Variants in ADGRF1 observed in about 807,000 individuals in gnomAD.
ADGRF1 encodes the protein G protein-coupled receptor 110.
A neutral mutation model predicts 87.2 loss-of-function variants in ADGRF1; 85 were observed. That is an observed-to-expected ratio of 0.97 (90% confidence interval 0.82 to 1.17). The LOEUF is 1.17. Ranked by LOEUF, ADGRF1 falls within the 50% of genes most tolerant of loss-of-function variation. The probability of loss-of-function intolerance (pLI) is 0.00; values close to 1 mark genes in which losing one functional copy is unlikely to be tolerated. For synonymous variants in ADGRF1, 430 were observed against 408.8 expected (o/e 1.05, Z -0.63); for missense variants, 1,169 against 1,077.2 (o/e 1.09, Z -1.19).
intron 7 of ADGRF1, chr6:47,019,989 A>G: frequency 1.0e-6 from 1 of 988,064 alleles, no homozygotes; most frequent in Non-Finnish European, 1.2e-6. Context: ...CCAAAGCCCC[A>G]CTTCTGGCTC....
intron 13 of ADGRF1, among the ~76,000 whole-genome samples, chr6:47,004,369 C>A (rs1289262122): frequency 6.6e-6 from 1 of 152,156 alleles, no homozygotes; most frequent in Non-Finnish European, 1.5e-5. Context: ...ACCTAACCAG[C>A]AACAAAATCT....
intron 9 of ADGRF1, chr6:47,013,368 A>G: frequency 1.0e-6 from 1 of 984,814 alleles, no homozygotes; most frequent in Non-Finnish European, 1.2e-6. Context: ...TCCCCAGTTT[A>G]CAGATGAGGA....
At chr6:47,040,488 T>TAA (rs66819789) in intron 1 of ADGRF1, among the ~76,000 whole-genome samples, 8 of 149,886 alleles carry the variant, frequency 5.3e-5, no homozygotes, top group African/African-American at 2.0e-4. Flanking sequence ...TAAAATAAAA[T>TAA]AAAAAAAAAA....
Position 46,998,479 on chromosome 6 carries a change from G to A in ADGRF1, c.*1743C>T, listed in dbSNP as rs1329407724. The A allele has an allele frequency of 1.3e-5, 2 of 152,192 alleles. No homozygotes were observed. The highest frequency in any genetic ancestry group is 2.9e-5 in the Non-Finnish European group (2 of 68,088). The allele number at this position is 152,192 out of a possible 1,614,324, so 9.4% of individuals were successfully genotyped here. A position where few individuals can be genotyped will look rare whatever the true frequency, so the allele number is the denominator to read the frequency against. On this transcript the variant is annotated 3_prime_UTR_variant, in exon 15 of 15. Coordinates refer to ENST00000371253, the MANE Select transcript of ADGRF1 (RefSeq NM_153840.4). The stretch of plus-strand genomic sequence containing the variant: ...TTGCATGTCTCACTATGGTTCATGG[G>A]AAACACACACATCCATTGCCCTGAC...
intron 1 of ADGRF1, among the ~76,000 whole-genome samples, chr6:47,031,758 C>T (rs1192462195): frequency 6.6e-6 from 1 of 152,114 alleles, no homozygotes; most frequent in Non-Finnish European, 1.5e-5. Context: ...CATGTTCTTG[C>T]TCTGTCACCC....
intron 1 of ADGRF1, among the ~76,000 whole-genome samples, chr6:47,033,768 A>G (rs1402029492): frequency 6.6e-6 from 1 of 152,238 alleles, no homozygotes; most frequent in Non-Finnish European, 1.5e-5. Flanking sequence ...TATCTTTTCT[A>G]GGAAGTGTTG....
chr6:47,008,126 T>C (rs1779584084), intron 11 of ADGRF1, among the ~76,000 whole-genome samples: 1 of 152,168 alleles, frequency 6.6e-6, no homozygotes, highest in African/African-American at 2.4e-5. Flanking sequence ...GTGCTAGAGG[T>C]CACACAGTTT....
At chr6:47,016,533 T>C in intron 8 of ADGRF1, 84 bp downstream of exon 8, 3 of 1,380,798 alleles carry the variant, frequency 2.2e-6, no homozygotes, top group Non-Finnish European at 2.9e-6. Flanking sequence ...TTCAAACGTC[T>C]CAAATCTACT....
intron 6 of ADGRF1, among the ~76,000 whole-genome samples, chr6:47,021,052 G>A (rs116339097): frequency 3.9e-4 from 59 of 152,284 alleles, no homozygotes; most frequent in African/African-American, 1.3e-3. Flanking sequence ...ATAACCAACT[G>A]CTTAGAATAG....
chr6:47,039,867 C>G (rs1286309924), intron 1 of ADGRF1, among the ~76,000 whole-genome samples: 1 of 152,078 alleles, frequency 6.6e-6, no homozygotes, highest in African/African-American at 2.4e-5. Flanking sequence ...GAGGCTGAGA[C>G]AGGAGAATTG....
At chr6:47,006,907 G>C (rs188862778) in intron 12 of ADGRF1, among the ~76,000 whole-genome samples, 1 of 152,272 alleles carries the variant, frequency 6.6e-6, no homozygotes, top group Admixed American at 6.5e-5. Context: ...TAAATGGGTA[G>C]AATAATTGAA....
Position 47,014,785 on chromosome 6 carries a change from AG to A in ADGRF1, c.822del (p.Cys275AlafsTer33), listed in dbSNP as rs1343693433. On this transcript the variant is annotated frameshift_variant, in exon 9 of 15. Transcript: ENST00000371253. LOFTEE classifies it high-confidence loss of function. ...FGSKDDEYTLPCSSGYRGNIT... is the reference protein window; with the variant it reads ...FGSKDDEYTLXCSSGYRGNIT... The stretch of plus-strand genomic sequence containing the variant: ...ATGTTTCCCCTGTAGCCACTGCTGC[AG>A]GGCAGGGTATATTCATCATCCTTGG... 1.7e-5 allele frequency: 28 copies of A among 1,614,094 alleles called. No individual in the cohort carries two copies. The highest frequency in any genetic ancestry group is 2.4e-5 in the Non-Finnish European group (28 of 1,179,956).
chr6:47,019,205 AT>A, intron 7 of ADGRF1: 1 of 765,828 alleles, frequency 1.3e-6, no homozygotes, highest in Non-Finnish European at 1.6e-6. Flanking sequence ...AATTAGAAGT[AT>A]AAATAGAAAA....
chr6:47,008,163 C>T (rs1261554456), intron 11 of ADGRF1, among the ~76,000 whole-genome samples: 1 of 152,246 alleles, frequency 6.6e-6, no homozygotes, highest in Admixed American at 6.5e-5. Flanking sequence ...GAGCCCAGAC[C>T]TATTTAAGTC....
At position 47,009,799 on chromosome 6, in the gene ADGRF1, C is replaced by CATT. The variant is rs763538186; in HGVS notation, c.1635_1636insAAT (p.Asn545dup). 1.2e-6 allele frequency: 2 copies of CATT among 1,614,102 alleles called. No homozygotes were observed. The highest frequency in any genetic ancestry group is 1.7e-6 in the Non-Finnish European group (2 of 1,179,996). On this transcript the variant is annotated inframe_insertion, in exon 11 of 15. Coordinates refer to ENST00000371253, the MANE Select transcript of ADGRF1 (RefSeq NM_153840.4). ...TCATTCACTAGGTGGCAGCCTGCATCGTTCCACTGCAAATGACTGAAATCC... is the reference window on the plus strand; with the variant it reads ...TCATTCACTAGGTGGCAGCCTGCATCATTGTTCCACTGCAAATGACTGAAATCC...
intron 9 of ADGRF1, chr6:47,012,553 AATT>A (rs2113884149): frequency 1.4e-6 from 1 of 726,650 alleles, no homozygotes; most frequent in African/African-American, 1.9e-5. Context: ...TTTTCATATA[AATT>A]ATTATCTTAA....
chr6:47,031,347 C>G (rs981305868), intron 1 of ADGRF1, among the ~76,000 whole-genome samples: 15 of 127,534 alleles, frequency 1.2e-4, no homozygotes, highest in South Asian at 5.3e-4. Context: ...CTCTCTCTCT[C>G]TCTGTCTCTC....
At chr6:47,034,121 C>T (rs995291154) in intron 1 of ADGRF1, among the ~76,000 whole-genome samples, 6 of 152,154 alleles carry the variant, frequency 3.9e-5, no homozygotes, top group Admixed American at 6.5e-5. Context: ...GTACCTCTTC[C>T]GTGAGGATTT....
chr6:47,019,244 A>G, intron 7 of ADGRF1: 4 of 922,540 alleles, frequency 4.3e-6, no homozygotes, highest in Non-Finnish European at 5.2e-6. Flanking sequence ...AAAAATATGA[A>G]TATTGAAAGT....
Sources: gnomAD v4.1 joint callset for allele counts (sites outside exome capture counted in the v4.1 genomes callset) on GRCh38, gnomAD v4.1.1 for gene constraint, MANE v1.5 for transcripts, NCBI Gene and HGNC (gene_info 2026-07-23, HGNC 2026-07-21) for gene names.